SYNPR: variants seen among roughly 807,000 people sequenced by gnomAD.
The protein encoded by SYNPR is synaptoporin.
In SYNPR, 23 loss-of-function variants were observed where a neutral mutation model predicts 32.9. The ratio of observed to expected loss-of-function variants is 0.70; its 90% CI spans 0.50 to 0.99. SYNPR has a LOEUF of 0.99. Among genes scored for constraint, SYNPR ranks in the 50% least tolerant of loss-of-function variants. The pLI, the probability that SYNPR is intolerant of heterozygous loss-of-function variation, is 0.00. For synonymous variants in SYNPR, 146 were observed against 135.9 expected (o/e 1.07, Z -0.52); for missense variants, 318 against 349.3 (o/e 0.91, Z 0.71).
upstream of SYNPR, among the ~76,000 whole-genome samples, chr3:63,276,343 C>G (rs778037847): frequency 6.6e-6 from 1 of 152,108 alleles, no homozygotes; most frequent in Non-Finnish European, 1.5e-5. Flanking sequence ...ATCTACCCTG[C>G]CTCTGATATG....
At position 63,540,927 on chromosome 3, in the gene SYNPR, C is replaced by CAA. The variant is rs1474324403; in HGVS notation, c.210-15616_210-15615insAA. The stretch of plus-strand genomic sequence containing the variant: ...ACACACACACACACACAATCCCCCC[C>CAA]CCAACACACACACACACACACACAC... On this transcript the variant is annotated intron_variant, in intron 3 of 5. Coordinates refer to ENST00000478300, the MANE Select transcript of SYNPR (RefSeq NM_001130003.2). Among the ~76,000 whole-genome samples, 203 of 96,236 alleles carry CAA rather than the reference C, an allele frequency of 2.1e-3. 1 individual carries two copies. The highest frequency in any genetic ancestry group is 9.9e-3 in the South Asian group (32 of 3,246). The allele number at this position is 96,236 out of a possible 152,430, so 63.1% of individuals were successfully genotyped here. A position where few individuals can be genotyped will look rare whatever the true frequency, so the allele number is the denominator to read the frequency against.
intron 2 of SYNPR, among the ~76,000 whole-genome samples, chr3:63,323,547 ATT>A (rs199657935): frequency 2.0e-5 from 3 of 151,238 alleles, no homozygotes; most frequent in African/African-American, 7.3e-5. Flanking sequence ...TCCCCAAATA[ATT>A]TTTTTTTGGC....
At chr3:63,459,384 C>T (rs781261585) in intron 2 of SYNPR, among the ~76,000 whole-genome samples, 1 of 152,114 alleles carries the variant, frequency 6.6e-6, no homozygotes, top group Non-Finnish European at 1.5e-5. Context: ...CTGCACAGAG[C>T]CAAAGGCAAT....
At chr3:63,449,964 C>T (rs1213935121) in intron 2 of SYNPR, among the ~76,000 whole-genome samples, 1 of 152,184 alleles carries the variant, frequency 6.6e-6, no homozygotes, top group Non-Finnish European at 1.5e-5. Context: ...CTCACATGTC[C>T]TGGCTTAAAA....
chr3:63,488,488 C>A (rs1331737172), intron 3 of SYNPR, among the ~76,000 whole-genome samples: 1 of 152,132 alleles, frequency 6.6e-6, no homozygotes, highest in Non-Finnish European at 1.5e-5. Flanking sequence ...CAAGACATAA[C>A]CCCCTAACTG....
chr3:63,376,550 C>T lies in SYNPR; in HGVS notation c.84+97808C>T, dbSNP rs1014838153. Among the ~76,000 whole-genome samples, 15 of 152,204 alleles carry T rather than the reference C, an allele frequency of 9.9e-5. No individual in the cohort carries two copies. The East Asian group carries it at 2.1e-3, about 22-fold the overall frequency. On this transcript the variant is annotated intron_variant, in intron 2 of 5. Coordinates refer to ENST00000478300, the MANE Select transcript of SYNPR (RefSeq NM_001130003.2). The stretch of plus-strand genomic sequence containing the variant: ...CTGTAAAGGGGCAAAAGCTTCTACC[C>T]CAGTGCCTTTGCAGTTGCTGAACTC...
rs543095610 is a variant in SYNPR, at chr3:63,560,249, A to T, written c.408+3508A>T. ...TACTTGGCAGATAAAGTTAATTTAA[A>T]GATGAGCCTGAATCATAGGAGTCAC... On this transcript the variant is annotated intron_variant, in intron 4 of 5. Coordinates refer to ENST00000478300, the MANE Select transcript of SYNPR (RefSeq NM_001130003.2). 2.0e-5 allele frequency among the ~76,000 whole-genome samples: 3 copies of T among 152,348 alleles called. No homozygotes were observed. In the South Asian group the frequency reaches 6.2e-4, roughly 32 times the overall value.
At chr3:63,307,223 G>A (rs2086917773) in intron 2 of SYNPR, among the ~76,000 whole-genome samples, 1 of 152,002 alleles carries the variant, frequency 6.6e-6, no homozygotes, top group Non-Finnish European at 1.5e-5. Flanking sequence ...TTCACCTGGA[G>A]TCACACACAA....
chr3:63,495,854 TC>T (rs1335274084), intron 3 of SYNPR, among the ~76,000 whole-genome samples: 1 of 152,138 alleles, frequency 6.6e-6, no homozygotes, highest in Non-Finnish European at 1.5e-5. Flanking sequence ...GTGAAACTAC[TC>T]TGTATAATAC....
chr3:63,387,804 G>C (rs1401223915), intron 2 of SYNPR, among the ~76,000 whole-genome samples: 1 of 152,184 alleles, frequency 6.6e-6, no homozygotes, highest in Admixed American at 6.5e-5. Flanking sequence ...CAGCCTTGAA[G>C]TGCGGGAGAA....
intron 2 of SYNPR, among the ~76,000 whole-genome samples, chr3:63,401,307 G>A (rs560682566): frequency 2.0e-5 from 3 of 152,264 alleles, no homozygotes; most frequent in South Asian, 4.1e-4. Context: ...GGCCATCCAC[G>A]AATCAAATAA....
At chr3:63,341,018 T>C (rs1296557312) in intron 2 of SYNPR, among the ~76,000 whole-genome samples, 1 of 152,224 alleles carries the variant, frequency 6.6e-6, no homozygotes, top group Non-Finnish European at 1.5e-5. Context: ...AAAAATCCTC[T>C]ATGCTCTATC....
chr3:63,493,329 G>C (rs1701290988), intron 3 of SYNPR, among the ~76,000 whole-genome samples: 1 of 152,108 alleles, frequency 6.6e-6, no homozygotes, highest in Non-Finnish European at 1.5e-5. Flanking sequence ...CCAGAGCCGA[G>C]ACATGAAACC....
At chr3:63,456,156 T>C (rs796151725) in intron 2 of SYNPR, among the ~76,000 whole-genome samples, 7 of 152,130 alleles carry the variant, frequency 4.6e-5, no homozygotes, top group African/African-American at 1.7e-4. Flanking sequence ...GAAAGACTTA[T>C]CTCCATGATT....
intron 4 of SYNPR, among the ~76,000 whole-genome samples, chr3:63,605,380 T>C (rs1575734051): frequency 6.6e-6 from 1 of 152,184 alleles, no homozygotes; most frequent in South Asian, 2.1e-4. Flanking sequence ...CCCTAAGGGA[T>C]AGGAAAGGAA....
Position 63,453,944 on chromosome 3 carries a change from G to A in SYNPR, c.85-26888G>A, listed in dbSNP as rs187327247. 1.3e-4 allele frequency among the ~76,000 whole-genome samples: 20 copies of A among 152,200 alleles called. No homozygotes were observed. The East Asian group carries it at 3.9e-3, about 29-fold the overall frequency. On this transcript the variant is annotated intron_variant, in intron 2 of 5. Coordinates refer to ENST00000478300, the MANE Select transcript of SYNPR (RefSeq NM_001130003.2). ...ACTTTTAAATTATCTGTATTATCATGATATAATCATTATTGCAGTAGATAG... is the reference window on the plus strand; with the variant it reads ...ACTTTTAAATTATCTGTATTATCATAATATAATCATTATTGCAGTAGATAG...
chr3:63,403,426 A>C (rs2088318525), intron 2 of SYNPR, among the ~76,000 whole-genome samples: 1 of 142,042 alleles, frequency 7.0e-6, no homozygotes, highest in African/African-American at 2.7e-5. Flanking sequence ...ACATTCTCAT[A>C]CGTATGTATA....
At chr3:63,266,912 A>G (rs138360527) in intron 2 of SYNPR, among the ~76,000 whole-genome samples, 22 of 152,252 alleles carry the variant, frequency 1.4e-4, no homozygotes, top group African/African-American at 5.3e-4. Flanking sequence ...CCAAAGGAAA[A>G]AAAATGAATG....
chr3:63,517,768 G>A (rs1701827801), intron 3 of SYNPR, among the ~76,000 whole-genome samples: 1 of 152,120 alleles, frequency 6.6e-6, no homozygotes, highest in Non-Finnish European at 1.5e-5. Context: ...TCTGAATGAG[G>A]TCAGAAGGGA....
Sources: allele counts gnomAD v4.1 joint callset (sites outside exome capture counted in the v4.1 genomes callset), GRCh38; gene constraint gnomAD v4.1.1; transcripts MANE v1.5; gene names NCBI Gene and HGNC (gene_info 2026-07-23, HGNC 2026-07-21).